Variants in ADPRHL1 observed in about 807,000 individuals in gnomAD.
The protein encoded by ADPRHL1 is ADP-ribosylhydrolase like 1.
ADPRHL1 carries 43 observed loss-of-function variants against 44.1 expected under a neutral mutation model. The observed-to-expected ratio is 0.98, with a 90% CI of 0.76 to 1.26. The LOEUF (loss-of-function observed/expected upper bound fraction) is 1.26, where lower values mean the gene tolerates loss of function less well. Ranked by LOEUF, ADPRHL1 falls within the 50% of genes most tolerant of loss-of-function variation. The probability of loss-of-function intolerance (pLI) is 0.00; values close to 1 mark genes in which losing one functional copy is unlikely to be tolerated. For synonymous variants in ADPRHL1, 878 were observed against 1,017.4 expected, an observed-to-expected ratio of 0.86 and a Z score of 2.61; for missense variants, 2,022 against 2,496.9, an observed-to-expected ratio of 0.81 and a Z score of 4.05.
rs61968977 is a variant in ADPRHL1 at position 113,434,813 on chromosome 13, T to G, written c.380-946A>C. 2.5e-3 allele frequency among the ~76,000 whole-genome samples: 34 copies of G among 13,726 alleles called. 1 individual carries two copies. The highest frequency in any genetic ancestry group is 7.8e-3 in the South Asian group (2 of 256). The allele number at this position is 13,726 out of a possible 152,430, so 9.0% of individuals were successfully genotyped here. Reference sequence around the variant, plus strand: ...GGTGTACCCCAGGACCCGGCACCCATGCATAGAGTGAACATAGGTGTACCC... The same window carrying G: ...GGTGTACCCCAGGACCCGGCACCCAGGCATAGAGTGAACATAGGTGTACCC... On this transcript the variant is annotated intron_variant, in intron 2 of 7. Coordinates refer to ENST00000612156, the MANE Select transcript of ADPRHL1 (RefSeq NM_001394807.1).
rs9549767 is a variant in ADPRHL1, at chr13:113,400,265, G to T, written c.*3113C>A. 2.7e-5 allele frequency: 4 copies of T among 146,694 alleles called. No homozygotes were observed. The highest frequency in any genetic ancestry group is 1.0e-4 in the African/African-American group (4 of 39,836). The allele number at this position is 146,694 out of a possible 1,614,324, so 9.1% of individuals were successfully genotyped here. A position where few individuals can be genotyped will look rare whatever the true frequency, so the allele number is the denominator to read the frequency against. On this transcript the variant is annotated 3_prime_UTR_variant, in exon 8 of 8. Transcript: ENST00000612156. ...GGTTCACGCCATTCTCCTGTCTCAG[G>T]CTCCCGAGTAGCTGGGACTACAGGC...
rs771384695 is a variant in ADPRHL1, at chr13:113,453,391, G to C, written c.47C>G (p.Ala16Gly). The change falls in exon 1 of 8, where the codon GCT becomes GGT. Residue 16 changes from alanine to glycine, a missense_variant. Coordinates refer to ENST00000612156, the MANE Select transcript of ADPRHL1 (RefSeq NM_001394807.1). This position sits in a 1 kb window ranked among gnomAD's most constrained non-coding sequence, Gnocchi z 5.4. ...AAMLLGSVGD[A>G]LGYRNVCKEN... is the part of the protein sequence containing the mutation. ...CTTGCAGACATTTCTGTAGCCAAGAGCATCGCCGACGCTCCCCAGCAACAT... is the reference window on the plus strand; with the variant it reads ...CTTGCAGACATTTCTGTAGCCAAGACCATCGCCGACGCTCCCCAGCAACAT... The C allele has an allele frequency of 6.2e-7, 1 of 1,614,122 alleles. No individual in the cohort carries two copies. The highest frequency in any genetic ancestry group is 1.7e-5 in the Admixed American group (1 of 60,010).
At chr13:113,442,494 A>AT (rs1436186769) in intron 2 of ADPRHL1, among the ~76,000 whole-genome samples, 19 of 152,240 alleles carry the variant, frequency 1.2e-4, no homozygotes, top group African/African-American at 4.3e-4. Context: ...GAAGTGTTGT[A>AT]TTTTTTTCAG....
chr13:113,439,488 G>A (rs546155160), intron 2 of ADPRHL1, among the ~76,000 whole-genome samples: 86 of 141,502 alleles, frequency 6.1e-4, no homozygotes, highest in African/African-American at 2.1e-3. Context: ...TTGCTCTGTC[G>A]CCAGGCTGGA....
chr13:113,407,182 G>A lies in ADPRHL1; in HGVS notation c.2100C>T (p.His700=), dbSNP rs1374297823. The part of the protein sequence containing the change: ...TPQVMAQRDG[H]AVPSLAFSCA... ...AAGAGAAGGCCAGCGAGGGGACAGC[G>A]TGGCCGTCCCTCTGAGCCATCACCT... Residue 700 remains histidine, a synonymous_variant, in exon 8 of 8, where the codon CAC becomes CAT. Transcript: ENST00000612156. 2.4e-6 allele frequency: 3 copies of A among 1,232,124 alleles called. No homozygotes were observed. The highest frequency in any genetic ancestry group is 2.0e-6 in the Non-Finnish European group (2 of 988,054). 76.3% of individuals were successfully genotyped at this position (1,232,124 alleles called of 1,614,324 possible).
At chr13:113,430,180 C>T (rs1391549609) in intron 3 of ADPRHL1, among the ~76,000 whole-genome samples, 3 of 152,186 alleles carry the variant, frequency 2.0e-5, no homozygotes, top group African/African-American at 4.8e-5. Flanking sequence ...GGCCTCATTC[C>T]GCTAGTGTGC....
At chr13:113,440,597 AGG>A (rs2044089987) in intron 2 of ADPRHL1, among the ~76,000 whole-genome samples, 6 of 151,852 alleles carry the variant, frequency 4.0e-5, no homozygotes, top group Admixed American at 6.6e-5. Context: ...CTGGGATTAC[AGG>A]GGCATACCAC....
rs931299288 is a variant in ADPRHL1, at chr13:113,407,682, C to T, written c.1600G>A (p.Ala534Thr). The T allele has an allele frequency of 1.3e-5, 16 of 1,231,946 alleles. No individual in the cohort carries two copies. The highest frequency in any genetic ancestry group is 4.2e-5 in the Admixed American group (1 of 23,706). 76.3% of individuals were successfully genotyped at this position (1,231,946 alleles called of 1,614,324 possible). The change falls in exon 8 of 8, where the codon GCC becomes ACC. Residue 534 changes from alanine to threonine, a missense_variant. This residue lies in a region of ADPRHL1 where 1,221 missense variants were observed against 1,517.8 expected (regional missense o/e 0.80). Transcript: ENST00000612156. ...EKPPVERPKA[A>T]RGLLPKIMGK... is the part of the protein sequence containing the mutation. ...ATGATCTTCGGCAAGAGGCCCCTGG[C>T]GGCTTTGGGCCGCTCCACAGGGGGC...
At chr13:113,445,708 T>A (rs1451709988) in intron 1 of ADPRHL1, among the ~76,000 whole-genome samples, 2 of 152,126 alleles carry the variant, frequency 1.3e-5, no homozygotes, top group Non-Finnish European at 2.9e-5. Context: ...AAGACCTTCC[T>A]GCTGGTGGCT....
At position 113,407,514 on chromosome 13, in the gene ADPRHL1, C is replaced by T. The variant is rs2043817795; in HGVS notation, c.1768G>A (p.Val590Met). Residue 590 changes from valine (V) to methionine (M), a missense_variant, in exon 8 of 8, where the codon GTG (valine) becomes ATG (methionine). Physicochemically the swap from Val to Met is conservative, Grantham distance 21 (BLOSUM62 1). Around this residue, in one of 8 missense-constraint regions of ADPRHL1, gnomAD observed 1,221 missense variants for 1,517.8 expected, o/e 0.80. Coordinates refer to ENST00000612156, the MANE Select transcript of ADPRHL1 (RefSeq NM_001394807.1). ...LQRKRMHRPE[V>M]RVLHTATMAS... ...ATGGTGGCCGTGTGCAGCACGCGCA[C>T]CTCCGGCCGGTGCATCCTCTTCCTC... 1 of 1,232,254 alleles carries T rather than the reference C, an allele frequency of 8.1e-7. No homozygotes were observed. The highest frequency in any genetic ancestry group is 1.0e-6 in the Non-Finnish European group (1 of 988,126). 76.3% of individuals were successfully genotyped at this position (1,232,254 alleles called of 1,614,324 possible). A position where few individuals can be genotyped will look rare whatever the true frequency, so the allele number is the denominator to read the frequency against.
At chr13:113,429,525 G>A (rs549316785) in intron 3 of ADPRHL1, among the ~76,000 whole-genome samples, 57 of 152,380 alleles carry the variant, frequency 3.7e-4, no homozygotes, top group Middle Eastern at 6.8e-3. Flanking sequence ...ATCGCATTCC[G>A]TGCGTGGACG....
rs111764520 is a variant in ADPRHL1, at chr13:113,428,935, C to T, written c.646+17G>A. ...GATCTGCTCTGAGTGCGGACTGGGG[C>T]CGGGGGAGCGGCTCACCTGCCGTGT... On this transcript the variant is annotated intron_variant, in intron 4 of 7. Transcript: ENST00000612156. The T allele has an allele frequency of 2.4e-5, 39 of 1,611,652 alleles. No individual in the cohort carries two copies. The African/African-American group carries it at 2.8e-4, about 12-fold the overall frequency.
At chr13:113,421,754 G>A (rs1158370154) in intron 7 of ADPRHL1, among the ~76,000 whole-genome samples, 1 of 152,200 alleles carries the variant, frequency 6.6e-6, no homozygotes, top group African/African-American at 2.4e-5. Context: ...AGAAGAAGAC[G>A]CCCGTGGGGG....
intron 7 of ADPRHL1, among the ~76,000 whole-genome samples, chr13:113,410,714 AG>A (rs2043846314): frequency 4.0e-5 from 3 of 75,764 alleles, no homozygotes; most frequent in African/African-American, 2.0e-4. Flanking sequence ...CCCTGAACCC[AG>A]AGTCGACAGG....
rs547547904 is a variant in ADPRHL1, at chr13:113,403,827, C to G, written c.5455G>C (p.Glu1819Gln). ...LTSGMAPRAW[E>Q]QPISGIAEGV... ...TCAGCTATGCCACTAATGGGCTGCT[C>G]CCAGGCCCGAGGCGCCATCCCACTT... Residue 1819 changes from glutamate to glutamine, a missense_variant, in exon 8 of 8, where the codon GAG becomes CAG. By Grantham distance (29) the Glu-to-Gln change is conservative. Transcript: ENST00000612156. The G allele has an allele frequency of 1.3e-5, 16 of 1,235,814 alleles. No homozygotes were observed. The South Asian group carries it at 4.0e-4, about 31-fold the overall frequency. The allele number at this position is 1,235,814 out of a possible 1,614,324, so 76.6% of individuals were successfully genotyped here. A position where few individuals can be genotyped will look rare whatever the true frequency, so the allele number is the denominator to read the frequency against.
chr13:113,406,078 T>C lies in ADPRHL1; in HGVS notation c.3204A>G (p.Glu1068=), dbSNP rs1343820151. Residue 1068 remains glutamate, a synonymous_variant, in exon 8 of 8, where the codon GAA becomes GAG. Coordinates refer to ENST00000612156, the MANE Select transcript of ADPRHL1 (RefSeq NM_001394807.1). ...ACTCTATTAGCAGCGGCCTTCTGCATTCCTCCAGCGCACCGGGCACTGTCA... is the reference window on the plus strand; with the variant it reads ...ACTCTATTAGCAGCGGCCTTCTGCACTCCTCCAGCGCACCGGGCACTGTCA... ...MGMTVPGALE[E]CRRPLLIESS... The C allele has an allele frequency of 6.5e-6, 8 of 1,232,178 alleles. No homozygotes were observed. The East Asian group carries it at 2.5e-4, about 39-fold the overall frequency. 76.3% of individuals were successfully genotyped at this position (1,232,178 alleles called of 1,614,324 possible). A position where few individuals can be genotyped will look rare whatever the true frequency, so the allele number is the denominator to read the frequency against.
chr13:113,433,824 C>A lies in ADPRHL1; in HGVS notation c.423G>T (p.Leu141=). ...GAATKAMCIG[L]RYWKPERLET... ...CCAGCCGCTCAGGCTTCCAGTACCG[C>A]AGGCCGATGCACATGGCCTTGGTGG... The change falls in exon 3 of 8, where the codon CTG becomes CTT. Residue 141 remains leucine (L), a synonymous_variant. Coordinates refer to ENST00000612156, the MANE Select transcript of ADPRHL1 (RefSeq NM_001394807.1). 1 of 1,576,764 alleles carries A rather than the reference C, an allele frequency of 6.3e-7. No homozygotes were observed. The highest frequency in any genetic ancestry group is 2.4e-5 in the East Asian group (1 of 42,530).
chr13:113,406,009 A>C lies in ADPRHL1; in HGVS notation c.3273T>G (p.Asp1091Glu). 8.1e-7 allele frequency: 1 copy of C among 1,232,138 alleles called. No individual in the cohort carries two copies. Among genetic ancestry groups the C allele is most frequent in the Non-Finnish European group, 1.0e-6 (1 of 988,034 alleles). The allele number at this position is 1,232,138 out of a possible 1,614,324, so 76.3% of individuals were successfully genotyped here. ...ATGAGGACAGTGGGTTCTCGCGAAC[A>C]TCATGGCTGGTGATTTCCTCGGCAG... is the stretch of plus-strand genomic sequence containing the variant. ...LKAAEEITSH[D>E]VRENPLSSLN... Residue 1091 changes from aspartate (D) to glutamate (E), a missense_variant, in exon 8 of 8, where the codon GAT (aspartate) becomes GAG (glutamate). This residue lies in a region of ADPRHL1 where 1,221 missense variants were observed against 1,517.8 expected (regional missense o/e 0.80). Coordinates refer to ENST00000612156, the MANE Select transcript of ADPRHL1 (RefSeq NM_001394807.1).
chr13:113,441,448 G>A lies in ADPRHL1; in HGVS notation c.379+2977C>T, dbSNP rs943588367. On this transcript the variant is annotated intron_variant, in intron 2 of 7. Coordinates refer to ENST00000612156, the MANE Select transcript of ADPRHL1 (RefSeq NM_001394807.1). This position sits in a 1 kb window ranked among gnomAD's most constrained non-coding sequence, Gnocchi z 6.0. ...CAGCGGTGGCTTTTGGGTTCATGGT[G>A]TCCGTCTGCAGCTCGTTACAGCTGT... is the stretch of plus-strand genomic sequence containing the variant. 1.3e-5 allele frequency among the ~76,000 whole-genome samples: 2 copies of A among 152,086 alleles called. No homozygotes were observed. Among genetic ancestry groups the A allele is most frequent in the African/African-American group, 2.4e-5 (1 of 41,408 alleles).
Sources: gnomAD v4.1 joint callset for allele counts (sites outside exome capture counted in the v4.1 genomes callset) on GRCh38, gnomAD v4.1.1 for gene constraint, gnomAD v4.1.1 regional missense constraint, Gnocchi (gnomAD v3.1) non-coding constraint, MANE v1.5 for transcripts, NCBI Gene and HGNC (gene_info 2026-07-23, HGNC 2026-07-21) for gene names.